The following PARD3B variants were observed in gnomAD, a reference collection of about 807,000 sequenced individuals.
PARD3B encodes the protein partitioning defective 3 homolog B.
In PARD3B, 103 loss-of-function variants were observed where a neutral mutation model predicts 130.2. The ratio of observed to expected loss-of-function variants is 0.79; its 90% CI spans 0.67 to 0.93. PARD3B has a LOEUF of 0.93. Among genes scored for constraint, PARD3B ranks in the 40% least tolerant of loss-of-function variants. The probability of loss-of-function intolerance (pLI) is 0.00; values close to 1 mark genes in which losing one functional copy is unlikely to be tolerated. For synonymous variants in PARD3B, 583 were observed against 553.2 expected (o/e 1.05, Z -0.76); for missense variants, 1,609 against 1,499.2 (o/e 1.07, Z -1.21).
intron 22 of PARD3B, among the ~76,000 whole-genome samples, chr2:205,587,456 T>C (rs776373235): frequency 6.6e-6 from 1 of 152,206 alleles, no homozygotes; most frequent in Non-Finnish European, 1.5e-5. Context: ...ATCACTGCTC[T>C]AATGTTCTCA....
At chr2:205,554,718 T>A (rs574203909) in intron 22 of PARD3B, among the ~76,000 whole-genome samples, 1 of 152,332 alleles carries the variant, frequency 6.6e-6, no homozygotes, top group East Asian at 1.9e-4. Context: ...TGGTACTGAT[T>A]ATGTACAAAC....
At chr2:205,203,597 C>T (rs1026043832) in intron 15 of PARD3B, among the ~76,000 whole-genome samples, 1 of 152,052 alleles carries the variant, frequency 6.6e-6, no homozygotes, top group African/African-American at 2.4e-5. Context: ...GACTATCCCT[C>T]CCCTATGCTC....
rs546295258 is a variant in PARD3B at position 205,069,388 on chromosome 2, G to A, written c.504+21698G>A. ...TAGATTGTATTTAAAAATCCAGTCT[G>A]ATAATCTATGTATTTAAATAGATTA... On this transcript the variant is annotated intron_variant, in intron 4 of 22. Transcript: ENST00000406610. Among the ~76,000 whole-genome samples, 109 of 151,820 alleles carry A rather than the reference G, an allele frequency of 7.2e-4. 2 individuals are homozygous for A. Among genetic ancestry groups the A allele is most frequent in the Admixed American group, 1.5e-3 (23 of 15,232 alleles).
chr2:205,313,506 A>T (rs1032505877), intron 18 of PARD3B, among the ~76,000 whole-genome samples: 1 of 152,164 alleles, frequency 6.6e-6, no homozygotes, highest in African/African-American at 2.4e-5. Flanking sequence ...CTCCTACCCT[A>T]TGTAATCTTG....
chr2:205,005,898 G>T (rs954085371), intron 3 of PARD3B, among the ~76,000 whole-genome samples: 1 of 152,046 alleles, frequency 6.6e-6, no homozygotes, highest in African/African-American at 2.4e-5. Context: ...TGAAATTTTA[G>T]CACAACCATC....
intron 1 of PARD3B, among the ~76,000 whole-genome samples, chr2:204,575,609 G>A (rs901810159): frequency 1.3e-5 from 2 of 152,172 alleles, no homozygotes; most frequent in African/African-American, 4.8e-5. Flanking sequence ...ACTTGCGTGT[G>A]GTGTCATCTC....
chr2:205,391,774 T>C (rs1430545680), intron 18 of PARD3B, among the ~76,000 whole-genome samples: 4 of 152,220 alleles, frequency 2.6e-5, no homozygotes, highest in African/African-American at 9.6e-5. Context: ...AAATCATACC[T>C]TATTAGTATC....
At chr2:205,050,115 G>A (rs73054995) in intron 4 of PARD3B, among the ~76,000 whole-genome samples, 3,052 of 151,588 alleles carry the variant, frequency 0.02, 104 homozygotes, top group African/African-American at 0.067. Context: ...TGCAAGACAC[G>A]TGTAAGTCTA....
chr2:205,282,189 G>A (rs1382683116), intron 16 of PARD3B, among the ~76,000 whole-genome samples: 1 of 152,060 alleles, frequency 6.6e-6, no homozygotes, highest in African/African-American at 2.4e-5. Context: ...GAGAGATACT[G>A]AATGAAGAGA....
At chr2:205,599,917 A>T (rs1348021947) in intron 22 of PARD3B, among the ~76,000 whole-genome samples, 1 of 152,190 alleles carries the variant, frequency 6.6e-6, no homozygotes, top group Non-Finnish European at 1.5e-5. Flanking sequence ...GGCTGGTCCT[A>T]TGGTTACAGT....
intron 2 of PARD3B, among the ~76,000 whole-genome samples, chr2:204,811,554 G>A (rs1411804015): frequency 2.0e-5 from 3 of 152,084 alleles, no homozygotes; most frequent in Non-Finnish European, 4.4e-5. Flanking sequence ...TGGATTCTTA[G>A]CAGCTTTCTA....
chr2:204,953,420 C>CAGAGAGAGAGAG (rs138644226), intron 2 of PARD3B, among the ~76,000 whole-genome samples: 25 of 123,308 alleles, frequency 2.0e-4, no homozygotes, highest in Non-Finnish European at 3.5e-4. Context: ...TACACACACA[C>CAGAGAGAGAGAG]AGAGAGAGAG....
chr2:204,897,781 A>G (rs2046693654), intron 2 of PARD3B, among the ~76,000 whole-genome samples: 1 of 152,102 alleles, frequency 6.6e-6, no homozygotes, highest in Non-Finnish European at 1.5e-5. Context: ...GGGAACATTG[A>G]TCATTGCTTT....
At chr2:204,676,109 AT>A (rs199590331) in intron 1 of PARD3B, among the ~76,000 whole-genome samples, 3 of 143,754 alleles carry the variant, frequency 2.1e-5, no homozygotes, top group Non-Finnish European at 3.0e-5. Context: ...AATTCCAAGT[AT>A]TTTTTTTGGG....
At chr2:205,380,538 A>ACAGT (rs2045323260) in intron 18 of PARD3B, among the ~76,000 whole-genome samples, 1 of 10,040 alleles carries the variant, frequency 1.0e-4, no homozygotes, top group African/African-American at 3.6e-4. Context: ...TATTATATAT[A>ACAGT]ATATATAAAG....
chr2:204,827,253 CTTTA>C (rs1262842639), intron 2 of PARD3B, among the ~76,000 whole-genome samples: 5 of 152,140 alleles, frequency 3.3e-5, no homozygotes, highest in African/African-American at 1.2e-4. Flanking sequence ...CAACATCCTA[CTTTA>C]TTTATTTATA....
intron 1 of PARD3B, among the ~76,000 whole-genome samples, chr2:204,632,168 T>C (rs2034701554): frequency 6.6e-6 from 1 of 152,124 alleles, no homozygotes; most frequent in African/African-American, 2.4e-5. Context: ...TTAAAGTGTG[T>C]GGCACCTCCC....
rs1402018137 is a variant in PARD3B at position 205,121,486 on chromosome 2, A to G, written c.807-105A>G. 9 of 940,378 alleles carry G rather than the reference A, an allele frequency of 9.6e-6. No individual in the cohort carries two copies. Among genetic ancestry groups the G allele is most frequent in the East Asian group, 4.8e-5 (2 of 41,634 alleles). 58.3% of individuals were successfully genotyped at this position (940,378 alleles called of 1,614,324 possible). A position where few individuals can be genotyped will look rare whatever the true frequency, so the allele number is the denominator to read the frequency against. On this transcript the variant is annotated intron_variant, in intron 7 of 22. Transcript: ENST00000406610. This position sits in a 1 kb window ranked among gnomAD's most constrained non-coding sequence, Gnocchi z 5.0. The stretch of plus-strand genomic sequence containing the variant: ...GATAGGAATATTGATCGTGTCTCCT[A>G]TGATTAGCCACTGTGCTGCTCTTGG...
chr2:205,075,484 A>G (rs1464142316), intron 4 of PARD3B, among the ~76,000 whole-genome samples: 2 of 152,050 alleles, frequency 1.3e-5, no homozygotes, highest in African/African-American at 4.8e-5. Flanking sequence ...AAAGAAAAGG[A>G]AAATCCAAGA....
Sources: gnomAD v4.1 joint callset for allele counts (sites outside exome capture counted in the v4.1 genomes callset) on GRCh38, gnomAD v4.1.1 for gene constraint, Gnocchi (gnomAD v3.1) non-coding constraint, MANE v1.5 for transcripts, NCBI Gene and HGNC (gene_info 2026-07-23, HGNC 2026-07-21) for gene names.